MTCL1: variants seen among roughly 807,000 people sequenced by gnomAD.
The protein encoded by MTCL1 is microtubule cross-linking factor 1.
A neutral mutation model predicts 141.4 loss-of-function variants in MTCL1; 79 were observed. The ratio of observed to expected loss-of-function variants is 0.56; its 90% CI spans 0.47 to 0.67. The LOEUF (loss-of-function observed/expected upper bound fraction) is 0.67, where lower values mean the gene tolerates loss of function less well. Ranked by LOEUF, MTCL1 falls within the 30% of genes least tolerant of loss-of-function variation. MTCL1 has a pLI of 0.00. For synonymous variants in MTCL1, 914 were observed against 875.8 expected (o/e 1.04, Z -0.77); for missense variants, 2,177 against 2,113.9 (o/e 1.03, Z -0.59).
Position 8,806,242 on chromosome 18 carries a change from A to G in MTCL1, c.2437-651A>G, listed in dbSNP as rs1292053343. 2.0e-5 allele frequency among the ~76,000 whole-genome samples: 3 copies of G among 152,222 alleles called. No homozygotes were observed. In the East Asian group the frequency reaches 5.8e-4, roughly 29 times the overall value. On this transcript the variant is annotated intron_variant, in intron 10 of 16. Coordinates refer to ENST00000359865, the Ensembl canonical transcript of MTCL1. ...TTTGGCTTTAATTATTAAACATCAAAATGTTTAATAATTAAACCCACCCAC... is the reference window on the plus strand; with the variant it reads ...TTTGGCTTTAATTATTAAACATCAAGATGTTTAATAATTAAACCCACCCAC...
At chr18:8,793,762 T>C (rs1335724114) in intron 8 of MTCL1, among the ~76,000 whole-genome samples, 1 of 152,208 alleles carries the variant, frequency 6.6e-6, no homozygotes, top group African/African-American at 2.4e-5. Flanking sequence ...TCTTCCCCCG[T>C]GTATTTGTTC....
At chr18:8,706,908 C>T (rs2096061109) in intron 1 of MTCL1, among the ~76,000 whole-genome samples, 195 bp downstream of exon 1, 1 of 152,252 alleles carries the variant, frequency 6.6e-6, no homozygotes, top group Admixed American at 6.5e-5. Context: ...CCTGTGGGAC[C>T]CCGCCAGTTC....
intron 4 of MTCL1, among the ~76,000 whole-genome samples, chr18:8,751,822 G>A (rs2096372922): frequency 6.6e-6 from 1 of 152,226 alleles, no homozygotes; most frequent in African/African-American, 2.4e-5. Context: ...GGCAGATGGA[G>A]CCGTGGGATT....
chr18:8,790,306 G>GAAACT (rs1408448140), intron 7 of MTCL1, among the ~76,000 whole-genome samples: 5 of 152,318 alleles, frequency 3.3e-5, no homozygotes, highest in Middle Eastern at 3.4e-3. Flanking sequence ...GCAATGTATA[G>GAAACT]AAACTAAACT....
At chr18:8,786,114 C>CCCCCA (rs1555655960) in intron 7 of MTCL1, 23 bp downstream of exon 6, 1 of 1,387,386 alleles carries the variant, frequency 7.2e-7, no homozygotes, top group Non-Finnish European at 9.4e-7. Context: ...AAGCAATCCC[C>CCCCCA]CCCCCCCGCC....
chr18:8,830,871 G>A lies in MTCL1; in HGVS notation c.*19-736G>A. 1 of 985,478 alleles carries A rather than the reference G, an allele frequency of 1.0e-6. No individual in the cohort carries two copies. Among genetic ancestry groups the A allele is most frequent in the Non-Finnish European group, 1.2e-6 (1 of 829,956 alleles). The allele number at this position is 985,478 out of a possible 1,614,324, so 61.0% of individuals were successfully genotyped here. A position where few individuals can be genotyped will look rare whatever the true frequency, so the allele number is the denominator to read the frequency against. ...AGTAGCTTGAGAATAAGGATTCTAG[G>A]TGATTTGCACATGGTTGAGTGTGTC... is the stretch of plus-strand genomic sequence containing the variant. On this transcript the variant is annotated intron_variant, in intron 16 of 16. Transcript: ENST00000359865. The surrounding 1 kb of genome is among the most constrained non-coding windows in gnomAD (Gnocchi z 6.4).
chr18:8,798,196 T>C lies in MTCL1; in HGVS notation c.2341T>C (p.Phe781Leu), dbSNP rs1477579552. The C allele has an allele frequency of 2.5e-6, 4 of 1,598,794 alleles. No homozygotes were observed. The highest frequency in any genetic ancestry group is 1.7e-5 in the Admixed American group (1 of 57,866). The stretch of plus-strand genomic sequence containing the variant: ...CCACGACAGTGACCGAGGCTGTGGC[T>C]TTCCAGTGGGGGAGCACTCCCCACA... The change falls in exon 10 of 17, where the codon TTT (phenylalanine) becomes CTT (leucine). Residue 781 changes from phenylalanine to leucine, a missense_variant. Coordinates refer to ENST00000359865, the Ensembl canonical transcript of MTCL1.
intron 7 of MTCL1, chr18:8,789,486 ATTTGTAAGCCACT>A: frequency 1.0e-6 from 1 of 985,424 alleles, no homozygotes; most frequent in Non-Finnish European, 1.2e-6. Context: ...GTGGGAAGTA[ATTTGTAAGCCACT>A]TTCTCTGGAG....
chr18:8,706,326 C>G (rs1202177559), exon 1 of MTCL1: 2 of 1,230,190 alleles, frequency 1.6e-6, no homozygotes, highest in Admixed American at 4.3e-5. Context: ...CCCTGTCCGA[C>G]GAGCAGCGCC....
At chr18:8,795,025 C>A (rs1054648763) in intron 8 of MTCL1, among the ~76,000 whole-genome samples, 3 of 152,328 alleles carry the variant, frequency 2.0e-5, no homozygotes, top group Admixed American at 6.5e-5. Flanking sequence ...GCCCTTGTGT[C>A]CACAGGGGAG....
Position 8,773,274 on chromosome 18 carries a change from C to T in MTCL1, c.358-4559C>T, listed in dbSNP as rs538426350. ...ACCCCCTGCCATGCTGCGGGTTTCTCATGCCCCTTCATGTGCACAGAAGTG... is the reference window on the plus strand; with the variant it reads ...ACCCCCTGCCATGCTGCGGGTTTCTTATGCCCCTTCATGTGCACAGAAGTG... On this transcript the variant is annotated intron_variant, in intron 4 of 16. Transcript: ENST00000359865. Among the ~76,000 whole-genome samples, 6 of 152,304 alleles carry T rather than the reference C, an allele frequency of 3.9e-5. No individual in the cohort carries two copies. The South Asian group carries it at 1.2e-3, about 32-fold the overall frequency.
intron 4 of MTCL1, among the ~76,000 whole-genome samples, chr18:8,727,835 T>C (rs2096225718): frequency 6.7e-6 from 1 of 148,678 alleles, no homozygotes; most frequent in Non-Finnish European, 1.5e-5. Flanking sequence ...ATGTTCTTTA[T>C]TTTCCCTGCT....
chr18:8,713,594 G>C (rs2096107837), upstream of MTCL1, among the ~76,000 whole-genome samples: 1 of 152,206 alleles, frequency 6.6e-6, no homozygotes, highest in African/African-American at 2.4e-5. Context: ...TTGCTTTTCA[G>C]ATGGCTGCTG....
intron 7 of MTCL1, 80 bp from the exon 7 acceptor site, chr18:8,792,918 G>A: frequency 6.4e-7 from 1 of 1,569,408 alleles, no homozygotes; most frequent in Non-Finnish European, 8.7e-7. Context: ...TCCCCAGCTT[G>A]TGCAGATGTC....
intron 16 of MTCL1, chr18:8,829,118 C>T: frequency 2.1e-6 from 2 of 973,220 alleles, no homozygotes; most frequent in Non-Finnish European, 2.4e-6. Context: ...AACCCAGGAA[C>T]AGATTGATAA....
At chr18:8,720,869 A>G (rs748071052) in intron 4 of MTCL1, among the ~76,000 whole-genome samples, 1 of 152,102 alleles carries the variant, frequency 6.6e-6, no homozygotes, top group Non-Finnish European at 1.5e-5. Context: ...TGATGTGTCC[A>G]AGTGGAGCCT....
At chr18:8,789,533 T>A (rs62086592) in intron 7 of MTCL1, 112,881 of 985,324 alleles carry the variant, frequency 0.11, 6,951 homozygotes, top group Non-Finnish European at 0.12. Context: ...CCTTTGTCAA[T>A]CAGTGTGGGA....
intron 1 of MTCL1, among the ~76,000 whole-genome samples, chr18:8,708,472 A>G (rs1321853638): frequency 3.3e-5 from 5 of 152,186 alleles, no homozygotes; most frequent in Non-Finnish European, 5.9e-5. Context: ...CATGATCATA[A>G]CTAGTATTTC....
Position 8,769,852 on chromosome 18 carries a change from TTCTG to T in MTCL1, c.358-7977_358-7974del, listed in dbSNP as rs376106337. Among the ~76,000 whole-genome samples, 392 of 152,368 alleles carry T rather than the reference TTCTG, an allele frequency of 2.6e-3. 3 individuals carry two copies. The highest frequency in any genetic ancestry group is 9.1e-3 in the African/African-American group (377 of 41,582). ...TAACATTTGTCCTCTAATAATAGTT[TTCTG>T]TCTTACTTTTCCAAATAAGGAATTC... On this transcript the variant is annotated intron_variant, in intron 4 of 16. Coordinates refer to ENST00000359865, the Ensembl canonical transcript of MTCL1.
Sources: gnomAD v4.1 joint callset for allele counts (sites outside exome capture counted in the v4.1 genomes callset) on GRCh38, gnomAD v4.1.1 for gene constraint, Gnocchi (gnomAD v3.1) non-coding constraint, MANE v1.5 for transcripts, NCBI Gene and HGNC (gene_info 2026-07-23, HGNC 2026-07-21) for gene names.